Variants in ANKRD28 observed in about 807,000 individuals in gnomAD.
ANKRD28 encodes serine/threonine-protein phosphatase 6 regulatory ankyrin repeat subunit A.
Under a neutral mutation model 126.5 loss-of-function variants are expected in ANKRD28, and 44 were observed. That is an observed-to-expected ratio of 0.35 (90% CI 0.27 to 0.45). The LOEUF (loss-of-function observed/expected upper bound fraction) is 0.45. Ranked by LOEUF, ANKRD28 falls within the 20% of genes least tolerant of loss-of-function variation. The pLI, the probability that ANKRD28 is intolerant of heterozygous loss-of-function variation, is 1.00. For missense variants in ANKRD28, 1,110 were observed against 1,316.6 expected, an observed-to-expected ratio of 0.84 and a Z score of 2.43; for synonymous variants, 442 against 468.5, an observed-to-expected ratio of 0.94 and a Z score of 0.73.
At chr3:15,695,159 T>C (rs776383751) in intron 16 of ANKRD28, 29 bp downstream of exon 16, 6 of 1,569,238 alleles carry the variant, frequency 3.8e-6, no homozygotes, top group East Asian at 2.3e-5. Flanking sequence ...CCAATACTAA[T>C]TGGTGGGAGG....
chr3:15,698,864 T>A (rs1433370916), intron 14 of ANKRD28, among the ~76,000 whole-genome samples: 1 of 152,182 alleles, frequency 6.6e-6, no homozygotes, highest in Admixed American at 6.5e-5. Flanking sequence ...TACCAATGAC[T>A]TTCTTCACAG....
intron 3 of ANKRD28, 116 bp from the exon 4 acceptor site, chr3:15,751,936 C>A: frequency 3.0e-6 from 2 of 660,330 alleles, no homozygotes; most frequent in Non-Finnish European, 2.4e-6. Flanking sequence ...TGAAAAAAAA[C>A]TTATTTTTTA....
Position 15,729,885 on chromosome 3 carries a change from T to A in ANKRD28, c.641-5361A>T, listed in dbSNP as rs909659946. Among the ~76,000 whole-genome samples the A allele has an allele frequency of 4.6e-5, 7 of 152,240 alleles. No individual in the cohort carries two copies. In the East Asian group the frequency reaches 7.7e-4, roughly 17 times the overall value. On this transcript the variant is annotated intron_variant, in intron 6 of 27. Coordinates refer to ENST00000683139, the MANE Select transcript of ANKRD28 (RefSeq NM_001349278.2). ...TGCAATGAGGTGTTAAGGTAATTTT[T>A]AAAAATCAATTAAAAAATTTTTGAG...
At chr3:15,799,467 T>G (rs968004096), upstream of ANKRD28, among the ~76,000 whole-genome samples, 1 of 152,060 alleles carries the variant, frequency 6.6e-6, no homozygotes, top group African/African-American at 2.4e-5. Context: ...TAACAATTCA[T>G]TAGTTATATT....
intron 1 of ANKRD28, among the ~76,000 whole-genome samples, chr3:15,856,147 T>A (rs2126008028): frequency 6.6e-6 from 1 of 152,220 alleles, no homozygotes; most frequent in South Asian, 2.1e-4. Flanking sequence ...TACAAATACC[T>A]GTAGAGAGAG....
At chr3:15,671,061 A>G (rs1324169066) in intron 27 of ANKRD28, among the ~76,000 whole-genome samples, 1 of 152,226 alleles carries the variant, frequency 6.6e-6, no homozygotes, top group East Asian at 1.9e-4. Context: ...TGCTCAAAAG[A>G]TATGTGTTGA....
chr3:15,837,396 C>A (rs1398180909), intron 1 of ANKRD28, among the ~76,000 whole-genome samples: 4 of 152,074 alleles, frequency 2.6e-5, no homozygotes, highest in Admixed American at 1.3e-4. Context: ...CATGCTAGAT[C>A]ATAAAACAAG....
intron 10 of ANKRD28, among the ~76,000 whole-genome samples, chr3:15,712,689 T>C (rs1002117672): frequency 4.6e-5 from 7 of 152,222 alleles, no homozygotes; most frequent in African/African-American, 1.2e-4. Flanking sequence ...AATTCTGTAA[T>C]AGTGAAAAAC....
intron 2 of ANKRD28, among the ~76,000 whole-genome samples, chr3:15,787,637 A>G (rs2059838699): frequency 6.6e-6 from 1 of 152,198 alleles, no homozygotes; most frequent in Non-Finnish European, 1.5e-5. Flanking sequence ...GTTTTAGGAC[A>G]GAGAGTGCAC....
chr3:15,706,987 C>T (rs1240711265), intron 14 of ANKRD28, among the ~76,000 whole-genome samples: 2 of 152,088 alleles, frequency 1.3e-5, no homozygotes, highest in African/African-American at 2.4e-5. Context: ...AAAAAAGTTA[C>T]TTATAAAAAT....
intron 9 of ANKRD28, among the ~76,000 whole-genome samples, chr3:15,714,026 C>T (rs2072673796): frequency 6.6e-6 from 1 of 152,168 alleles, no homozygotes; most frequent in Non-Finnish European, 1.5e-5. Flanking sequence ...GAACCTATTT[C>T]AACTTTTCCC....
At chr3:15,713,828 T>C (rs1304577378) in intron 9 of ANKRD28, among the ~76,000 whole-genome samples, 187 bp from the exon 10 acceptor site, 2 of 152,210 alleles carry the variant, frequency 1.3e-5, no homozygotes, top group African/African-American at 4.8e-5. Context: ...TTAAAGCAAT[T>C]GTGTGAATTA....
intron 1 of ANKRD28, among the ~76,000 whole-genome samples, chr3:15,832,663 T>A (rs1312182843): frequency 6.6e-6 from 1 of 152,206 alleles, no homozygotes; most frequent in Admixed American, 6.5e-5. Context: ...GTATGTCCCA[T>A]ATACCCTTGT....
rs149494532 is a variant in ANKRD28, at chr3:15,785,893, T to C, written c.201+9330A>G. Among the ~76,000 whole-genome samples, 520 of 151,758 alleles carry C rather than the reference T, an allele frequency of 3.4e-3. 3 individuals carry two copies. The highest frequency in any genetic ancestry group is 0.012 in the African/African-American group (497 of 41,374). ...GAGCTACCAAGCCATTAAAAAAACA[T>C]AGAAGAAATGTAAATGCATACTGCT... On this transcript the variant is annotated intron_variant, in intron 2 of 27. Coordinates refer to ENST00000683139, the MANE Select transcript of ANKRD28 (RefSeq NM_001349278.2).
At chr3:15,779,709 T>G (rs1409120371) in intron 2 of ANKRD28, among the ~76,000 whole-genome samples, 1 of 152,192 alleles carries the variant, frequency 6.6e-6, no homozygotes, top group Non-Finnish European at 1.5e-5. Context: ...AAGGCATGGT[T>G]CTTGCCCCAG....
intron 1 of ANKRD28, among the ~76,000 whole-genome samples, chr3:15,795,707 T>G (rs1304937446): frequency 6.6e-6 from 1 of 152,154 alleles, no homozygotes; most frequent in Non-Finnish European, 1.5e-5. Context: ...TGAAAAGGTC[T>G]GTTTGGGGCA....
intron 6 of ANKRD28, chr3:15,731,938 C>T (rs1297306397): frequency 7.0e-6 from 1 of 143,040 alleles, no homozygotes; most frequent in Non-Finnish European, 1.5e-5. Context: ...TTTAATCTTC[C>T]TTTACACTCA....
rs1384999941 is a variant in ANKRD28 at position 15,850,258 on chromosome 3, G to GAGAGAGAGAGAGAGAA, written c.27+9118_27+9119insTTCTCTCTCTCTCTCT. ...AGAGAGAGAGAGAGAGAGAGAGAGA[G>GAGAGAGAGAGAGAGAA]AGAGAAAGTTGAAATCCTACCTCAT... On this transcript the variant is annotated intron_variant, in intron 1 of 27. Transcript: ENST00000399451. Among the ~76,000 whole-genome samples, 472 of 126,828 alleles carry GAGAGAGAGAGAGAGAA rather than the reference G, an allele frequency of 3.7e-3. 17 individuals are homozygous for GAGAGAGAGAGAGAGAA. Among genetic ancestry groups the GAGAGAGAGAGAGAGAA allele is most frequent in the East Asian group, 0.028 (87 of 3,102 alleles). 83.2% of individuals were successfully genotyped at this position (126,828 alleles called of 152,430 possible). A position where few individuals can be genotyped will look rare whatever the true frequency, so the allele number is the denominator to read the frequency against.
chr3:15,685,194 C>T (rs560743178), intron 21 of ANKRD28, 32 bp downstream of exon 21: 1 of 1,603,628 alleles, frequency 6.2e-7, no homozygotes, highest in Non-Finnish European at 8.5e-7. Context: ...GTTCACTACA[C>T]AATGATATGC....
Sources: allele counts gnomAD v4.1 joint callset (sites outside exome capture counted in the v4.1 genomes callset), GRCh38; gene constraint gnomAD v4.1.1; transcripts MANE v1.5; gene names NCBI Gene and HGNC (gene_info 2026-07-23, HGNC 2026-07-21).